Variants in XYLB observed in about 807,000 individuals in gnomAD.
The protein encoded by XYLB is xylulose kinase.
XYLB carries 62 observed loss-of-function variants against 78.7 expected under a neutral mutation model. That is an observed-to-expected ratio of 0.79 (90% CI 0.64 to 0.97). XYLB has a LOEUF of 0.97. Ranked by LOEUF, XYLB falls within the 50% of genes least tolerant of loss-of-function variation. The pLI is 0.00. For synonymous variants in XYLB, 245 were observed against 247.4 expected (o/e 0.99, Z 0.09); for missense variants, 687 against 676.8 (o/e 1.02, Z -0.17).
At chr3:38,353,843 T>A (rs186958320) in intron 2 of XYLB, among the ~76,000 whole-genome samples, 64 of 141,956 alleles carry the variant, frequency 4.5e-4, no homozygotes, top group African/African-American at 1.6e-3. Context: ...GCTGAGATTG[T>A]GCCACTGCAT....
intron 10 of XYLB, 115 bp downstream of exon 10, chr3:38,372,851 C>T: frequency 4.5e-6 from 5 of 1,122,470 alleles, no homozygotes; most frequent in Non-Finnish European, 5.3e-6. Flanking sequence ...CCTCACCACC[C>T]CCACCCATGC....
At chr3:38,419,200 T>C (rs1481440698), downstream of XYLB, among the ~76,000 whole-genome samples, 1 of 152,166 alleles carries the variant, frequency 6.6e-6, no homozygotes, top group African/African-American at 2.4e-5. Flanking sequence ...ATTTTGCATG[T>C]GTAAAATAGT....
chr3:38,360,651 C>T (rs1212988286), intron 3 of XYLB, among the ~76,000 whole-genome samples: 11 of 152,218 alleles, frequency 7.2e-5, no homozygotes, highest in Non-Finnish European at 1.5e-4. Flanking sequence ...GATGGCAAGT[C>T]CTGCCATTAA....
intron 15 of XYLB, among the ~76,000 whole-genome samples, 191 bp downstream of exon 15, chr3:38,379,533 T>G (rs1198653650): frequency 6.6e-6 from 1 of 152,186 alleles, no homozygotes; most frequent in Non-Finnish European, 1.5e-5. Context: ...AAGCATAGAA[T>G]AGCAGACAGG....
chr3:38,445,345 T>C, the XYLB span, among the ~76,000 whole-genome samples: 1 of 152,172 alleles, frequency 6.6e-6, no homozygotes, highest in Admixed American at 6.5e-5. Flanking sequence ...TTATGTCTAA[T>C]TGGTGAGCCT....
chr3:38,398,712 CTTTT>C (rs56266064), intron 17 of XYLB, among the ~76,000 whole-genome samples: 1 of 141,954 alleles, frequency 7.0e-6, no homozygotes, highest in Non-Finnish European at 1.5e-5. Context: ...GTTACTTTGT[CTTTT>C]TTTTTTTTTT....
At chr3:38,439,606 CA>C in the XYLB span, among the ~76,000 whole-genome samples, 1 of 151,930 alleles carries the variant, frequency 6.6e-6, no homozygotes, top group South Asian at 2.1e-4. Context: ...ACTAAAAATA[CA>C]AAAAATTAGC....
intron 2 of XYLB, chr3:38,356,488 C>T (rs1030080994): frequency 2.0e-5 from 3 of 152,204 alleles, no homozygotes; most frequent in African/African-American, 7.2e-5. Flanking sequence ...AATCAACTCT[C>T]TATCTCTGGA....
Position 38,407,402 on chromosome 3 carries a change from A to G in XYLB, c.1534-5534A>G, listed in dbSNP as rs1708370678. The stretch of plus-strand genomic sequence containing the variant: ...AAGGAAGCACTAAACATGGAAAGGA[A>G]CAACCTGTACCAGCCACTGCAAAAT... On this transcript the variant is annotated intron_variant, in intron 18 of 18. Coordinates refer to ENST00000207870, the MANE Select transcript of XYLB (RefSeq NM_005108.4). Among the ~76,000 whole-genome samples, 2 of 152,250 alleles carry G rather than the reference A, an allele frequency of 1.3e-5. 1 individual carries two copies. Among genetic ancestry groups the G allele is most frequent in the South Asian group, 4.1e-4 (2 of 4,832 alleles).
At chr3:38,383,452 T>C (rs116646648) in intron 15 of XYLB, among the ~76,000 whole-genome samples, 2,386 of 152,308 alleles carry the variant, frequency 0.016, 18 homozygotes, top group Middle Eastern at 0.024. Flanking sequence ...TTTAGGTTGA[T>C]TGTAAAAACA....
At chr3:38,393,385 A>G (rs1274997122) in intron 15 of XYLB, among the ~76,000 whole-genome samples, 2 of 152,160 alleles carry the variant, frequency 1.3e-5, no homozygotes, top group Non-Finnish European at 2.9e-5. Flanking sequence ...GGCTCAAGCA[A>G]TCTACCTGCC....
chr3:38,410,231 A>T (rs998768563), intron 18 of XYLB, among the ~76,000 whole-genome samples: 1 of 151,210 alleles, frequency 6.6e-6, no homozygotes, highest in African/African-American at 2.4e-5. Context: ...ATAATGCTGC[A>T]TATCTACAAC....
intron 12 of XYLB, 72 bp downstream of exon 12, chr3:38,375,331 AC>A: frequency 7.6e-7 from 1 of 1,315,292 alleles, no homozygotes; most frequent in South Asian, 1.2e-5. Context: ...CATCTTGAGG[AC>A]CCCAAGTCAT....
In XYLB at chr3:38,412,934, A is replaced by T; in HGVS notation, c.1534-2A>T. 1 of 1,602,068 alleles carries T rather than the reference A, an allele frequency of 6.2e-7. No homozygotes were observed. The highest frequency in any genetic ancestry group is 8.5e-7 in the Non-Finnish European group (1 of 1,174,982). ...TCTAAACTGCTTTTTCTGCCCTTCTAGGTCTACGAGGCCCTTCTCCCCCAG... is the reference window on the plus strand; with the variant it reads ...TCTAAACTGCTTTTTCTGCCCTTCTTGGTCTACGAGGCCCTTCTCCCCCAG... On this transcript the variant is annotated splice_acceptor_variant, in intron 18 of 18. Transcript: ENST00000207870. LOFTEE classifies it high-confidence loss of function.
chr3:38,423,426 G>C (rs541797750), downstream of XYLB, among the ~76,000 whole-genome samples: 2 of 152,304 alleles, frequency 1.3e-5, no homozygotes, highest in Non-Finnish European at 2.9e-5. Flanking sequence ...ACAGATCTTA[G>C]AGCCATTAAT....
At position 38,370,061 on chromosome 3, in the gene XYLB, G is replaced by A. The variant is rs749797771; in HGVS notation, c.652G>A (p.Gly218Arg). 6.8e-6 allele frequency: 11 copies of A among 1,613,938 alleles called. No homozygotes were observed. Among genetic ancestry groups the A allele is most frequent in the Non-Finnish European group, 9.3e-6 (11 of 1,179,840 alleles). ...TTGTTTCCTTCCTTCCTCAGGTTCT[G>A]GAATGAATTTGTTGCAGATACAGGA... Reference protein sequence around the residue: ...YSPIDYSDGSGMNLLQIQDKV... With the variant: ...YSPIDYSDGSRMNLLQIQDKV... Residue 218 changes from glycine to arginine, a missense_variant, in exon 9 of 19, where the codon GGA (glycine) becomes AGA (arginine). Transcript: ENST00000207870.
At chr3:38,438,169 C>T in the XYLB span, among the ~76,000 whole-genome samples, 69,308 of 152,030 alleles carry the variant, frequency 0.46, 17,136 homozygotes, top group Non-Finnish European at 0.57. Context: ...TTCAAGGCTA[C>T]AGTGAGTTGA....
At chr3:38,422,312 G>A (rs188239075), downstream of XYLB, among the ~76,000 whole-genome samples, 6 of 152,284 alleles carry the variant, frequency 3.9e-5, no homozygotes, top group East Asian at 9.6e-4. Flanking sequence ...AGAGTGTATA[G>A]CACAACTCCT....
intron 3 of XYLB, among the ~76,000 whole-genome samples, chr3:38,360,702 C>T (rs1320072794): frequency 6.6e-6 from 1 of 152,234 alleles, no homozygotes; most frequent in Non-Finnish European, 1.5e-5. Flanking sequence ...TTCCAAACAT[C>T]TGCAGTCAGG....
Sources: gnomAD v4.1 joint callset for allele counts (sites outside exome capture counted in the v4.1 genomes callset) on GRCh38, gnomAD v4.1.1 for gene constraint, MANE v1.5 for transcripts, NCBI Gene and HGNC (gene_info 2026-07-23, HGNC 2026-07-21) for gene names.